Variants in IQGAP1 observed in about 807,000 individuals in gnomAD.
The protein encoded by IQGAP1 is IQ motif containing GTPase activating protein 1, also known as ras GTPase-activating-like protein IQGAP1.
Under a neutral mutation model 215.6 loss-of-function variants are expected in IQGAP1, and 66 were observed. The ratio of observed to expected loss-of-function variants is 0.31; its 90% CI spans 0.25 to 0.38. IQGAP1 has a LOEUF of 0.38. Ranked by LOEUF, IQGAP1 falls within the 10% of genes least tolerant of loss-of-function variation. The pLI, the probability that IQGAP1 is intolerant of heterozygous loss-of-function variation, is 1.00. For synonymous variants in IQGAP1, 772 were observed against 728.7 expected, an observed-to-expected ratio of 1.06 and a Z score of -0.96; for missense variants, 1,712 against 1,997.1, an observed-to-expected ratio of 0.86 and a Z score of 2.72.
chr15:90,448,537 A>C, intron 9 of IQGAP1, 36 bp from the exon 10 acceptor site: 1 of 1,539,164 alleles, frequency 6.5e-7, no homozygotes, highest in Non-Finnish European at 8.8e-7. Flanking sequence ...TTCTGTTAAC[A>C]TAGTCCTTTC....
chr15:90,423,311 G>C (rs1212775195), intron 2 of IQGAP1, among the ~76,000 whole-genome samples: 1 of 152,148 alleles, frequency 6.6e-6, no homozygotes, highest in Admixed American at 6.6e-5. Context: ...TCAACTCACT[G>C]CAGCTTCTAC....
chr15:90,459,721 GTT>G (rs1391941436), intron 15 of IQGAP1, among the ~76,000 whole-genome samples: 5 of 151,990 alleles, frequency 3.3e-5, no homozygotes, highest in Non-Finnish European at 5.9e-5. Context: ...GTTTTGTTTT[GTT>G]TTTTGTTTTT....
intron 2 of IQGAP1, chr15:90,393,485 AGTTT>A (rs1203198965): frequency 2.0e-5 from 3 of 150,856 alleles, no homozygotes; most frequent in African/African-American, 7.4e-5. Flanking sequence ...TTTGATCCAT[AGTTT>A]GTTGAATCCA....
chr15:90,473,128 C>G, intron 19 of IQGAP1, 118 bp downstream of exon 19: 1 of 909,534 alleles, frequency 1.1e-6, no homozygotes, highest in Non-Finnish European at 1.7e-6. Context: ...TCTTAGTCTT[C>G]TCTTTCCTTT....
intron 2 of IQGAP1, among the ~76,000 whole-genome samples, chr15:90,421,815 C>G (rs1965141172): frequency 6.6e-6 from 1 of 152,144 alleles, no homozygotes; most frequent in Non-Finnish European, 1.5e-5. Flanking sequence ...CATACTCCAC[C>G]ACACTTGGCT....
chr15:90,447,950 C>G (rs1348721639), intron 9 of IQGAP1, among the ~76,000 whole-genome samples: 1 of 151,982 alleles, frequency 6.6e-6, no homozygotes, highest in African/African-American at 2.4e-5. Context: ...CAGGTTGGAC[C>G]ACCCTTGATA....
At position 90,496,306 on chromosome 15, in the gene IQGAP1, C is replaced by CTTTTTTTTTTTTTTTTTTTT. The variant is rs552222380; in HGVS notation, c.4752-916_4752-897dup. On this transcript the variant is annotated intron_variant, in intron 36 of 37. Coordinates refer to ENST00000268182, the MANE Select transcript of IQGAP1 (RefSeq NM_003870.4). ...GATCATCCAGAGAACAGCATAATCC[C>CTTTTTTTTTTTTTTTTTTTT]TTTTTTTTTTTTTTTTTTTTTTTTT... is the stretch of plus-strand genomic sequence containing the variant. Among the ~76,000 whole-genome samples the CTTTTTTTTTTTTTTTTTTTT allele has an allele frequency of 3.4e-4, 36 of 106,104 alleles. 2 individuals carry two copies. Among genetic ancestry groups the CTTTTTTTTTTTTTTTTTTTT allele is most frequent in the African/African-American group, 1.4e-3 (32 of 22,576 alleles). The allele number at this position is 106,104 out of a possible 152,430, so 69.6% of individuals were successfully genotyped here. A position where few individuals can be genotyped will look rare whatever the true frequency, so the allele number is the denominator to read the frequency against.
intron 5 of IQGAP1, 133 bp from the exon 6 acceptor site, chr15:90,439,199 A>G: frequency 2.0e-6 from 1 of 495,694 alleles, no homozygotes; most frequent in East Asian, 3.3e-5. Context: ...ACTACAAAGG[A>G]GACTGTCGTA....
At chr15:90,480,220 TAAAA>T (rs999179798) in intron 26 of IQGAP1, among the ~76,000 whole-genome samples, 1 of 92,448 alleles carries the variant, frequency 1.1e-5, no homozygotes, top group Admixed American at 1.1e-4. Flanking sequence ...CCCCATATCT[TAAAA>T]AAAAAAAAAA....
chr15:90,455,560 G>A (rs540034403), intron 14 of IQGAP1, among the ~76,000 whole-genome samples: 2 of 152,132 alleles, frequency 1.3e-5, no homozygotes, highest in South Asian at 2.1e-4. Flanking sequence ...AAAGCAGTAC[G>A]GCTGCCTAAG....
intron 2 of IQGAP1, among the ~76,000 whole-genome samples, chr15:90,405,945 G>A (rs2589947): frequency 0.19 from 29,358 of 151,832 alleles, 3,530 homozygotes; most frequent in East Asian, 0.46. Flanking sequence ...TACATTCTCC[G>A]TTGAGTTATC....
chr15:90,461,168 C>T (rs1365489333), intron 15 of IQGAP1, among the ~76,000 whole-genome samples: 2 of 151,784 alleles, frequency 1.3e-5, no homozygotes, highest in Admixed American at 6.6e-5. Flanking sequence ...ATTAGCCAGG[C>T]GTGGTGGCAG....
At chr15:90,458,977 C>G (rs1965724059) in intron 15 of IQGAP1, among the ~76,000 whole-genome samples, 1 of 152,196 alleles carries the variant, frequency 6.6e-6, no homozygotes, top group Non-Finnish European at 1.5e-5. Flanking sequence ...TTGCCCACTC[C>G]TCTACCCTTC....
chr15:90,430,504 C>T (rs1315177797), intron 4 of IQGAP1, among the ~76,000 whole-genome samples: 4 of 152,066 alleles, frequency 2.6e-5, no homozygotes, highest in Admixed American at 1.3e-4. Flanking sequence ...AATTGTGTTA[C>T]AGCCAAATAC....
intron 2 of IQGAP1, among the ~76,000 whole-genome samples, chr15:90,409,594 C>T (rs377048211): frequency 2.0e-5 from 3 of 152,222 alleles, no homozygotes; most frequent in Admixed American, 6.5e-5. Flanking sequence ...AGCCTGGCCT[C>T]GAACTTACGA....
At chr15:90,463,540 CTATTGTCTAG>C (rs2151028071) in intron 15 of IQGAP1, among the ~76,000 whole-genome samples, 1 of 152,302 alleles carries the variant, frequency 6.6e-6, no homozygotes, top group African/African-American at 2.4e-5. Flanking sequence ...CACATTGGAA[CTATTGTCTAG>C]TATTTCCAGT....
intron 5 of IQGAP1, among the ~76,000 whole-genome samples, chr15:90,434,849 A>G (rs1296304658): frequency 6.6e-6 from 1 of 152,190 alleles, no homozygotes; most frequent in African/African-American, 2.4e-5. Context: ...CAGATTTGGT[A>G]TACTCAACCT....
chr15:90,482,824 G>T (rs1395921164), intron 28 of IQGAP1: 1 of 615,292 alleles, frequency 1.6e-6, no homozygotes, highest in East Asian at 1.3e-4. Context: ...TTCTGTGGAA[G>T]AGATGTGTGT....
intron 15 of IQGAP1, among the ~76,000 whole-genome samples, chr15:90,463,722 G>C (rs1334123471): frequency 6.6e-6 from 1 of 152,194 alleles, no homozygotes; most frequent in Non-Finnish European, 1.5e-5. Context: ...CCAAGACTGT[G>C]AGCTTCTTAA....
Sources: gnomAD v4.1 joint callset for allele counts (sites outside exome capture counted in the v4.1 genomes callset) on GRCh38, gnomAD v4.1.1 for gene constraint, MANE v1.5 for transcripts, NCBI Gene and HGNC (gene_info 2026-07-23, HGNC 2026-07-21) for gene names.